The following EHD3 variants were observed in gnomAD, a reference collection of about 807,000 sequenced individuals.
The protein encoded by EHD3 is EH domain containing 3, also known as EH domain-containing protein 3.
A neutral mutation model predicts 43.0 loss-of-function variants in EHD3; 17 were observed. The observed-to-expected ratio is 0.40, with a 90% CI of 0.27 to 0.59. The LOEUF (loss-of-function observed/expected upper bound fraction) is 0.59, where lower values mean the gene tolerates loss of function less well. EHD3 is among the 20% of genes least tolerant of loss of function. The pLI is 0.49. For missense variants in EHD3, 594 were observed against 705.6 expected (o/e 0.84, Z 1.79); for synonymous variants, 313 against 289.5 (o/e 1.08, Z -0.82).
At chr2:31,261,179 A>C (rs1683847861) in intron 4 of EHD3, among the ~76,000 whole-genome samples, 1 of 152,216 alleles carries the variant, frequency 6.6e-6, no homozygotes, top group Non-Finnish European at 1.5e-5. Context: ...TTGCATCTGT[A>C]AAATGAAGGG....
intron 3 of EHD3, among the ~76,000 whole-genome samples, chr2:31,256,040 C>T (rs1043867718): frequency 6.6e-6 from 1 of 152,150 alleles, no homozygotes; most frequent in Non-Finnish European, 1.5e-5. Flanking sequence ...AAAGGAAGCT[C>T]GGAGGTTGTC....
rs1386671550 is a variant in EHD3 at position 31,267,319 on chromosome 2, T to A, written c.*615T>A. 6.6e-6 allele frequency: 1 copy of A among 152,192 alleles called. No homozygotes were observed. The highest frequency in any genetic ancestry group is 1.5e-5 in the Non-Finnish European group (1 of 68,064). The allele number at this position is 152,192 out of a possible 1,614,324, so 9.4% of individuals were successfully genotyped here. The stretch of plus-strand genomic sequence containing the variant: ...AACCTTGCTTTGAACTCTGCCAGTA[T>A]TTCATTTTAAAGAATCCCAGAGCGG... On this transcript the variant is annotated 3_prime_UTR_variant, in exon 6 of 6. Transcript: ENST00000322054.
At chr2:31,239,699 A>G (rs1312158404) in intron 1 of EHD3, among the ~76,000 whole-genome samples, 1 of 152,182 alleles carries the variant, frequency 6.6e-6, no homozygotes, top group African/African-American at 2.4e-5. Flanking sequence ...CAGTTTCCTT[A>G]TCCATAAGAT....
At chr2:31,244,135 G>A in intron 1 of EHD3, 139 bp from the exon 2 acceptor site, 1 of 666,574 alleles carries the variant, frequency 1.5e-6, no homozygotes. Flanking sequence ...TATCCAGCAG[G>A]CATTTCTCCC....
In EHD3 at chr2:31,260,995, G is replaced by C; in HGVS notation, c.915+73G>C. The C allele has an allele frequency of 6.7e-7, 1 of 1,494,740 alleles. No homozygotes were observed. Among genetic ancestry groups the C allele is most frequent in the Non-Finnish European group, 9.0e-7 (1 of 1,109,566 alleles). 92.6% of individuals were successfully genotyped at this position (1,494,740 alleles called of 1,614,324 possible). ...TTTGGGGTCAGCTGCACGAGCTGAG[G>C]GTTGCTGCCTCCAACAGCCAGTGCA... On this transcript the variant is annotated intron_variant, in intron 4 of 5. Coordinates refer to ENST00000322054, the MANE Select transcript of EHD3 (RefSeq NM_014600.3). This position sits in a 1 kb window ranked among gnomAD's most constrained non-coding sequence, Gnocchi z 4.6.
chr2:31,239,751 C>T (rs776338627), intron 1 of EHD3, among the ~76,000 whole-genome samples: 8 of 152,174 alleles, frequency 5.3e-5, no homozygotes, highest in Non-Finnish European at 1.0e-4. Flanking sequence ...TGACCGGATT[C>T]GGGGTGGGGA....
intron 3 of EHD3, among the ~76,000 whole-genome samples, chr2:31,259,916 G>T (rs752836649): frequency 1.3e-5 from 2 of 152,152 alleles, no homozygotes; most frequent in African/African-American, 2.4e-5. Context: ...AGGCGCAGTG[G>T]CTGGCTGGGG....
Position 31,234,641 on chromosome 2 carries a change from C to T in EHD3, c.20C>T (p.Thr7Met). The T allele has an allele frequency of 6.2e-7, 1 of 1,613,846 alleles. No homozygotes were observed. Among genetic ancestry groups the T allele is most frequent in the Non-Finnish European group, 8.5e-7 (1 of 1,179,980 alleles). MFSWLG[T>M]DDRRRKDPEV... ...GCCGCGATGTTCAGCTGGCTGGGTA[C>T]GGACGACCGCCGGAGGAAGGACCCC... The change falls in exon 1 of 6, where the codon ACG becomes ATG. Residue 7 changes from threonine to methionine, a missense_variant. By Grantham distance (81) the Thr-to-Met change is moderately conservative (BLOSUM62 -1). This residue lies in a region of EHD3 where 243 missense variants were observed against 296.7 expected (regional missense o/e 0.82). Coordinates refer to ENST00000322054, the MANE Select transcript of EHD3 (RefSeq NM_014600.3).
chr2:31,258,322 A>C (rs2148722384), intron 3 of EHD3, among the ~76,000 whole-genome samples: 1 of 152,106 alleles, frequency 6.6e-6, no homozygotes, highest in Non-Finnish European at 1.5e-5. Context: ...GTCTGATCCC[A>C]TCCCCCTACC....
chr2:31,242,437 A>G (rs1683440101), intron 1 of EHD3, among the ~76,000 whole-genome samples: 1 of 152,194 alleles, frequency 6.6e-6, no homozygotes. Flanking sequence ...AAAACATAGC[A>G]CAATTATAAT....
chr2:31,261,740 A>C (rs767438378), intron 5 of EHD3, 27 bp downstream of exon 5: 1 of 1,611,428 alleles, frequency 6.2e-7, no homozygotes, highest in Non-Finnish European at 8.5e-7. Flanking sequence ...TCTCTAAGAC[A>C]AGGGACAGTG....
At chr2:31,243,420 T>TTTTC (rs751332290) in intron 1 of EHD3, among the ~76,000 whole-genome samples, 3,071 of 135,408 alleles carry the variant, frequency 0.023, 168 homozygotes, top group Non-Finnish European at 0.029. Flanking sequence ...GGAGATTCAT[T>TTTTC]TTTCTTTCTT....
intron 5 of EHD3, among the ~76,000 whole-genome samples, chr2:31,264,874 G>A (rs1171191495): frequency 1.3e-5 from 2 of 152,128 alleles, no homozygotes; most frequent in African/African-American, 2.4e-5. Flanking sequence ...AGCTTAAAAT[G>A]TACATTGTAT....
Position 31,266,427 on chromosome 2 carries a change from A to G in EHD3, c.1331A>G (p.Asp444Gly), listed in dbSNP as rs1572475843. 6.2e-7 allele frequency: 1 copy of G among 1,613,874 alleles called. No homozygotes were observed. The highest frequency in any genetic ancestry group is 8.5e-7 in the Non-Finnish European group (1 of 1,179,936). The change falls in exon 6 of 6, where the codon GAC becomes GGC. Residue 444 changes from aspartate (D) to glycine (G), a missense_variant. Physicochemically the swap from Asp to Gly is moderately conservative, Grantham distance 94. Coordinates refer to ENST00000322054, the MANE Select transcript of EHD3 (RefSeq NM_014600.3). This position sits in a 1 kb window ranked among gnomAD's most constrained non-coding sequence, Gnocchi z 5.1. ...IDDAEWVVAR[D>G]KPMYDEIFYT... ...GATGCTGAGTGGGTGGTGGCCAGGG[A>G]CAAGCCCATGTACGACGAGATCTTC...
At position 31,264,532 on chromosome 2, in the gene EHD3, A is replaced by ATTTTT. The variant is rs1558653199; in HGVS notation, c.1081-1645_1081-1644insTTTTT. On this transcript the variant is annotated intron_variant, in intron 5 of 5. Coordinates refer to ENST00000322054, the MANE Select transcript of EHD3 (RefSeq NM_014600.3). Reference sequence around the variant, plus strand: ...ATAAATTAACATTTCTACTTTACAGACTTTTTTTTTTTTTTTTTTTTGATA... The same window carrying ATTTTT: ...ATAAATTAACATTTCTACTTTACAGATTTTTCTTTTTTTTTTTTTTTTTTTTGATA... Among the ~76,000 whole-genome samples, 193 of 86,640 alleles carry ATTTTT rather than the reference A, an allele frequency of 2.2e-3. 1 individual carries two copies. The highest frequency in any genetic ancestry group is 0.011 in the African/African-American group (191 of 18,174). 56.8% of individuals were successfully genotyped at this position (86,640 alleles called of 152,430 possible). A position where few individuals can be genotyped will look rare whatever the true frequency, so the allele number is the denominator to read the frequency against.
chr2:31,235,051 C>T (rs1336917412), intron 1 of EHD3, among the ~76,000 whole-genome samples: 2 of 152,102 alleles, frequency 1.3e-5, no homozygotes, highest in Admixed American at 1.3e-4. Context: ...AATACCTGTC[C>T]ACTCTACTTG....
At chr2:31,249,041 G>A (rs77458632) in intron 2 of EHD3, among the ~76,000 whole-genome samples, 228 of 152,306 alleles carry the variant, frequency 1.5e-3, no homozygotes, top group Non-Finnish European at 2.6e-3. Flanking sequence ...TAAGGACTTG[G>A]GGCCATAAGA....
chr2:31,234,568 C>T lies in EHD3; in HGVS notation c.-54C>T. ...GGACCGGTCCTACGGGACATCTTCCCCTGAGGAGGAGTCTTCCCCTGGGGC... is the reference window on the plus strand; with the variant it reads ...GGACCGGTCCTACGGGACATCTTCCTCTGAGGAGGAGTCTTCCCCTGGGGC... On this transcript the variant is annotated 5_prime_UTR_variant, in exon 1 of 6. Transcript: ENST00000322054. The T allele has an allele frequency of 6.3e-7, 1 of 1,595,984 alleles. No individual in the cohort carries two copies. The highest frequency in any genetic ancestry group is 8.6e-7 in the Non-Finnish European group (1 of 1,169,320).
rs776316420 is a variant in EHD3, at chr2:31,268,073, T to C, written c.*1369T>C. 1.3e-5 allele frequency: 2 copies of C among 152,630 alleles called. No individual in the cohort carries two copies. Among genetic ancestry groups the C allele is most frequent in the Non-Finnish European group, 2.9e-5 (2 of 68,048 alleles). 9.5% of individuals were successfully genotyped at this position (152,630 alleles called of 1,614,324 possible). On this transcript the variant is annotated 3_prime_UTR_variant, in exon 6 of 6. Transcript: ENST00000322054. The stretch of plus-strand genomic sequence containing the variant: ...CTTGTCAAGTGGGACCTCATACTAT[T>C]CTCAGAAGGCTAACTTGAGAGGTTT...
Sources: allele counts gnomAD v4.1 joint callset (sites outside exome capture counted in the v4.1 genomes callset), GRCh38; gene constraint gnomAD v4.1.1; regional missense constraint gnomAD v4.1.1; non-coding constraint Gnocchi (gnomAD v3.1); transcripts MANE v1.5; gene names NCBI Gene and HGNC (gene_info 2026-07-23, HGNC 2026-07-21).